Variants in HS3ST5 observed in about 807,000 individuals in gnomAD.
HS3ST5 encodes the protein heparan sulfate glucosamine 3-O-sulfotransferase 5.
HS3ST5 carries 10 observed loss-of-function variants against 25.4 expected under a neutral mutation model. The ratio of observed to expected loss-of-function variants is 0.39; its 90% confidence interval spans 0.24 to 0.67. The LOEUF is 0.67. Among genes scored for constraint, HS3ST5 ranks in the 30% least tolerant of loss-of-function variants. HS3ST5 has a pLI of 0.44. For synonymous variants in HS3ST5, 170 were observed against 162.4 expected (o/e 1.05, Z -0.36); for missense variants, 324 against 420.7 (o/e 0.77, Z 2.01).
At chr6:114,289,337 C>T (rs956754517) in intron 1 of HS3ST5, among the ~76,000 whole-genome samples, 2 of 151,914 alleles carry the variant, frequency 1.3e-5, no homozygotes, top group Admixed American at 1.3e-4. Context: ...AAATCAGCAA[C>T]GTGTACAGTT....
chr6:114,334,848 T>C (rs1776544829), intron 1 of HS3ST5, among the ~76,000 whole-genome samples: 1 of 152,236 alleles, frequency 6.6e-6, no homozygotes, highest in Non-Finnish European at 1.5e-5. Context: ...TTTAAGTCTA[T>C]TTTAAAATCG....
At chr6:114,231,743 G>A (rs1771599612) in intron 1 of HS3ST5, among the ~76,000 whole-genome samples, 2 of 140,924 alleles carry the variant, frequency 1.4e-5, no homozygotes, top group African/African-American at 5.3e-5. Context: ...CTGAGGCTTT[G>A]GTTGCCCTAT....
chr6:114,221,253 T>A (rs2114488899), intron 2 of HS3ST5, among the ~76,000 whole-genome samples: 1 of 152,074 alleles, frequency 6.6e-6, no homozygotes, highest in South Asian at 2.1e-4. Context: ...AGTCTAAAAG[T>A]GGCATCATTT....
chr6:114,223,186 T>C (rs1782122633), intron 2 of HS3ST5, among the ~76,000 whole-genome samples: 1 of 151,702 alleles, frequency 6.6e-6, no homozygotes, highest in Non-Finnish European at 1.5e-5. Flanking sequence ...CATGCCAACA[T>C]ATATGACATT....
intron 2 of HS3ST5, among the ~76,000 whole-genome samples, chr6:114,204,018 G>A (rs775085106): frequency 2.0e-5 from 3 of 152,162 alleles, no homozygotes; most frequent in Admixed American, 6.6e-5. Context: ...GTTCGGAAGC[G>A]TGTATACCAT....
At chr6:114,060,670 G>A (rs1312466041) in intron 4 of HS3ST5, among the ~76,000 whole-genome samples, 1 of 152,102 alleles carries the variant, frequency 6.6e-6, no homozygotes, top group Non-Finnish European at 1.5e-5. Context: ...TAGTACCCTG[G>A]CTGAGAGTGG....
intron 1 of HS3ST5, among the ~76,000 whole-genome samples, chr6:114,299,290 C>T (rs1409458704): frequency 1.3e-5 from 2 of 152,076 alleles, no homozygotes; most frequent in South Asian, 2.1e-4. Flanking sequence ...TTGGTCAGAC[C>T]GGTTGCTCTC....
chr6:114,208,383 A>C (rs1781370616), intron 2 of HS3ST5, among the ~76,000 whole-genome samples: 1 of 152,234 alleles, frequency 6.6e-6, no homozygotes, highest in African/African-American at 2.4e-5. Flanking sequence ...TTGGGGTTGA[A>C]GAACTCTTCA....
intron 1 of HS3ST5, among the ~76,000 whole-genome samples, chr6:114,320,699 C>T (rs1386959008): frequency 6.6e-6 from 1 of 152,046 alleles, no homozygotes; most frequent in Admixed American, 6.6e-5. Context: ...TCCCTTACAT[C>T]ACCTTAACCA....
chr6:114,227,896 G>C (rs1771379625), intron 2 of HS3ST5, among the ~76,000 whole-genome samples: 1 of 152,060 alleles, frequency 6.6e-6, no homozygotes, highest in Non-Finnish European at 1.5e-5. Flanking sequence ...CTCTGAAAGA[G>C]AGATAGTGAC....
At chr6:114,263,582 A>G (rs1460859853) in intron 1 of HS3ST5, among the ~76,000 whole-genome samples, 1 of 152,194 alleles carries the variant, frequency 6.6e-6, no homozygotes, top group Non-Finnish European at 1.5e-5. Flanking sequence ...TTTCTTTTAA[A>G]GTTTCTATCA....
chr6:114,061,767 C>T (rs12665264), intron 4 of HS3ST5, among the ~76,000 whole-genome samples: 19,760 of 152,062 alleles, frequency 0.13, 1,557 homozygotes, highest in East Asian at 0.27. Context: ...CTGGCCAACA[C>T]AGTGAAACCC....
At position 114,326,090 on chromosome 6, in the gene HS3ST5, T is replaced by C. The variant is rs185566124; in HGVS notation, c.-339+16105A>G. Among the ~76,000 whole-genome samples, 244 of 151,598 alleles carry C rather than the reference T, an allele frequency of 1.6e-3. 2 individuals carry two copies. Among genetic ancestry groups the C allele is most frequent in the Non-Finnish European group, 2.4e-3 (160 of 68,000 alleles). On this transcript the variant is annotated intron_variant, in intron 1 of 4. Coordinates refer to ENST00000312719, the MANE Select transcript of HS3ST5 (RefSeq NM_153612.4). ...TCCTTGAAGCCAGAGGACTGTGTTT[T>C]ATCTCTATTAAAAAAGTAGGCCCAC...
chr6:114,202,433 A>G (rs963684151), intron 2 of HS3ST5, among the ~76,000 whole-genome samples: 1 of 152,186 alleles, frequency 6.6e-6, no homozygotes, highest in Non-Finnish European at 1.5e-5. Flanking sequence ...TATAAGTACC[A>G]TGAAGGCAGG....
chr6:114,176,897 A>G (rs1437107568), intron 2 of HS3ST5, among the ~76,000 whole-genome samples: 2 of 152,210 alleles, frequency 1.3e-5, no homozygotes, highest in Non-Finnish European at 2.9e-5. Flanking sequence ...TTCTGCAGCC[A>G]GAGTTGGGAA....
intron 3 of HS3ST5, among the ~76,000 whole-genome samples, chr6:114,147,679 C>G (rs1451699988): frequency 2.6e-5 from 4 of 152,158 alleles, no homozygotes; most frequent in African/African-American, 9.7e-5. Flanking sequence ...CTCCTAGGCT[C>G]AAGTGATCCT....
intron 1 of HS3ST5, among the ~76,000 whole-genome samples, chr6:114,323,606 G>A (rs889223552): frequency 2.0e-5 from 3 of 152,054 alleles, no homozygotes; most frequent in African/African-American, 4.8e-5. Flanking sequence ...GTATAATGTG[G>A]AGGCTACCTC....
At chr6:114,102,423 C>T (rs753589845) in intron 3 of HS3ST5, among the ~76,000 whole-genome samples, 6 of 152,058 alleles carry the variant, frequency 3.9e-5, no homozygotes, top group African/African-American at 1.4e-4. Context: ...GTCTACTTTC[C>T]CCCATCTGGA....
At chr6:114,201,660 G>T (rs1781020870) in intron 2 of HS3ST5, among the ~76,000 whole-genome samples, 2 of 152,054 alleles carry the variant, frequency 1.3e-5, no homozygotes. Flanking sequence ...AGGCTGTATT[G>T]GTCCGTTCTC....
Sources: gnomAD v4.1 joint callset for allele counts (sites outside exome capture counted in the v4.1 genomes callset) on GRCh38, gnomAD v4.1.1 for gene constraint, MANE v1.5 for transcripts, NCBI Gene and HGNC (gene_info 2026-07-23, HGNC 2026-07-21) for gene names.